SNX9: variants seen among roughly 807,000 people sequenced by gnomAD.
SNX9 encodes the protein sorting nexin 9.
SNX9 carries 44 observed loss-of-function variants against 89.4 expected under a neutral mutation model. The observed-to-expected ratio is 0.49, with a 90% confidence interval of 0.39 to 0.63. The LOEUF (loss-of-function observed/expected upper bound fraction) is 0.63. Among genes scored for constraint, SNX9 ranks in the 30% least tolerant of loss-of-function variants. SNX9 has a pLI of 0.00. For missense variants in SNX9, 578 were observed against 736.1 expected, an observed-to-expected ratio of 0.79 and a Z score of 2.49; for synonymous variants, 236 against 247.8, an observed-to-expected ratio of 0.95 and a Z score of 0.45.
intron 1 of SNX9, among the ~76,000 whole-genome samples, chr6:157,847,190 C>T (rs147190477): frequency 1.3e-5 from 2 of 152,310 alleles, no homozygotes; most frequent in East Asian, 3.9e-4. Context: ...GCAGCTTCCA[C>T]CTCTTGGGCT....
chr6:157,886,972 G>A (rs1391732229), intron 4 of SNX9, among the ~76,000 whole-genome samples: 2 of 151,872 alleles, frequency 1.3e-5, no homozygotes, highest in Non-Finnish European at 2.9e-5. Context: ...ATAGTGCTAA[G>A]TCTTTCATCT....
chr6:157,882,650 T>C (rs1782650609), intron 4 of SNX9, among the ~76,000 whole-genome samples: 1 of 152,190 alleles, frequency 6.6e-6, no homozygotes, highest in African/African-American at 2.4e-5. Flanking sequence ...CCAACCCTCA[T>C]AGAAGATGTT....
chr6:157,891,027 C>CTTTTTTTTTTTT (rs67186551), intron 4 of SNX9, among the ~76,000 whole-genome samples: 1 of 114,940 alleles, frequency 8.7e-6, no homozygotes, highest in Non-Finnish European at 1.8e-5. Context: ...TTTTCTTTCT[C>CTTTTTTTTTTTT]TTTTTTTTTT....
intron 4 of SNX9, among the ~76,000 whole-genome samples, chr6:157,884,489 C>T (rs1427234128): frequency 6.6e-6 from 1 of 152,144 alleles, no homozygotes; most frequent in Non-Finnish European, 1.5e-5. Flanking sequence ...CCTTCATTAA[C>T]TCACATAAGT....
In SNX9 at chr6:157,944,579, A is replaced by C. The variant is rs1193154484; in HGVS notation, c.*1741A>C. ...GTGATTTTTGTTGTTGTTGTTAAGT[A>C]CTTTTTATTCCAGCTGCTGAAAATG... On this transcript the variant is annotated 3_prime_UTR_variant, in exon 18 of 18. Transcript: ENST00000392185. 1 of 152,374 alleles carries C rather than the reference A, an allele frequency of 6.6e-6. No homozygotes were observed. The highest frequency in any genetic ancestry group is 1.5e-5 in the Non-Finnish European group (1 of 68,040). 9.4% of individuals were successfully genotyped at this position (152,374 alleles called of 1,614,324 possible).
At chr6:157,923,067 T>C (rs1221985435) in intron 10 of SNX9, among the ~76,000 whole-genome samples, 1 of 152,210 alleles carries the variant, frequency 6.6e-6, no homozygotes, top group East Asian at 1.9e-4. Context: ...TCAGTTGTGT[T>C]GGTTTTTTTA....
intron 2 of SNX9, 79 bp from the exon 3 acceptor site, chr6:157,873,023 A>G: frequency 8.5e-7 from 1 of 1,171,938 alleles, no homozygotes; most frequent in Non-Finnish European, 1.2e-6. Flanking sequence ...TATGTATAAC[A>G]ATTCCTCCAC....
chr6:157,864,156 A>G (rs1456494566), intron 1 of SNX9, among the ~76,000 whole-genome samples: 1 of 152,156 alleles, frequency 6.6e-6, no homozygotes, highest in African/African-American at 2.4e-5. Flanking sequence ...TCTGCTTCCA[A>G]GATGGCGCCT....
chr6:157,858,190 G>A (rs1157641991), intron 1 of SNX9, among the ~76,000 whole-genome samples: 4 of 151,690 alleles, frequency 2.6e-5, no homozygotes, highest in Non-Finnish European at 4.4e-5. Flanking sequence ...ATATGCTATC[G>A]TTCTGTTGGC....
At chr6:157,918,614 G>A (rs1414927375) in intron 9 of SNX9, among the ~76,000 whole-genome samples, 2 of 152,016 alleles carry the variant, frequency 1.3e-5, no homozygotes, top group Non-Finnish European at 2.9e-5. Flanking sequence ...TTATTGACAT[G>A]GTTAGATTCA....
chr6:157,932,539 A>G (rs1452482865), intron 13 of SNX9, among the ~76,000 whole-genome samples: 1 of 152,008 alleles, frequency 6.6e-6, no homozygotes, highest in African/African-American at 2.4e-5. Context: ...CAATGCCATC[A>G]GTTTCATTTC....
intron 14 of SNX9, among the ~76,000 whole-genome samples, chr6:157,936,381 C>T (rs1299384986): frequency 6.6e-6 from 1 of 152,118 alleles, no homozygotes; most frequent in Non-Finnish European, 1.5e-5. Flanking sequence ...TAGTGGTGTA[C>T]ACCTGTAGTC....
chr6:157,878,236 G>A (rs1423121611), intron 4 of SNX9, among the ~76,000 whole-genome samples: 1 of 152,266 alleles, frequency 6.6e-6, no homozygotes, highest in Non-Finnish European at 1.5e-5. Context: ...GTGAGAAAAC[G>A]CTTTATCAGC....
chr6:157,840,513 C>CTTT (rs998093052), intron 1 of SNX9, among the ~76,000 whole-genome samples: 1 of 131,786 alleles, frequency 7.6e-6, no homozygotes, highest in Non-Finnish European at 1.7e-5. Flanking sequence ...TTTCTTCTTT[C>CTTT]TTTTTTAAAG....
In SNX9 at chr6:157,823,484, G is replaced by A; in HGVS notation, c.12+38G>A. 8.5e-7 allele frequency: 1 copy of A among 1,175,418 alleles called. No individual in the cohort carries two copies. Among genetic ancestry groups the A allele is most frequent in the South Asian group, 4.1e-5 (1 of 24,118 alleles). The allele number at this position is 1,175,418 out of a possible 1,614,324, so 72.8% of individuals were successfully genotyped here. A position where few individuals can be genotyped will look rare whatever the true frequency, so the allele number is the denominator to read the frequency against. On this transcript the variant is annotated intron_variant, in intron 1 of 17. Transcript: ENST00000392185. The surrounding 1 kb of genome is among the most constrained non-coding windows in gnomAD (Gnocchi z 4.6). ...CGGCGCAGGCCGGGCCGGTCGCTCA[G>A]GCCCGGGGCGGCGCGGAGAGGGTCG...
intron 9 of SNX9, among the ~76,000 whole-genome samples, chr6:157,917,762 G>C (rs1034141865): frequency 2.6e-5 from 4 of 152,026 alleles, no homozygotes; most frequent in African/African-American, 4.8e-5. Context: ...TTGTTATACT[G>C]TATTGTTTTG....
intron 1 of SNX9, among the ~76,000 whole-genome samples, chr6:157,837,918 A>G (rs1405439582): frequency 6.6e-6 from 1 of 152,244 alleles, no homozygotes; most frequent in Non-Finnish European, 1.5e-5. Flanking sequence ...TGGAAGGAAT[A>G]CATGTAATTG....
intron 4 of SNX9, chr6:157,885,224 G>A (rs894684908): frequency 1.8e-4 from 28 of 152,086 alleles, no homozygotes; most frequent in African/African-American, 6.5e-4. Flanking sequence ...ACCTCTTTTG[G>A]TAATTCCCAA....
At chr6:157,938,127 C>T (rs965768965) in intron 15 of SNX9, among the ~76,000 whole-genome samples, 5 of 152,176 alleles carry the variant, frequency 3.3e-5, no homozygotes, top group African/African-American at 1.2e-4. Flanking sequence ...CTTTTCTAGC[C>T]GCTTCCATCT....
Sources: allele counts gnomAD v4.1 joint callset (sites outside exome capture counted in the v4.1 genomes callset), GRCh38; gene constraint gnomAD v4.1.1; non-coding constraint Gnocchi (gnomAD v3.1); transcripts MANE v1.5; gene names NCBI Gene and HGNC (gene_info 2026-07-23, HGNC 2026-07-21).